C14orf132: variants seen among roughly 807,000 people sequenced by gnomAD.
C14orf132 encodes the protein chromosome 14 open reading frame 132.
Under a neutral mutation model 5.8 loss-of-function variants are expected in C14orf132, and 6 were observed. That is an observed-to-expected ratio of 1.03 (90% CI 0.57 to 2.04). C14orf132 has a LOEUF of 2.04. Among genes scored for constraint, C14orf132 ranks in the 30% most tolerant of loss-of-function variants. The pLI is 0.00. For synonymous variants in C14orf132, 51 were observed against 49.8 expected (o/e 1.02, Z -0.10); for missense variants, 125 against 115.8 (o/e 1.08, Z -0.37).
chr14:96,069,590 G>A (rs1197852875), intron 1 of C14orf132, among the ~76,000 whole-genome samples: 7 of 152,206 alleles, frequency 4.6e-5, no homozygotes, highest in East Asian at 3.9e-4. Context: ...TGGAGCTGGC[G>A]CAGTCAGCCT....
chr14:96,078,069 G>T (rs145307055), intron 1 of C14orf132, among the ~76,000 whole-genome samples: 1 of 152,238 alleles, frequency 6.6e-6, no homozygotes, highest in African/African-American at 2.4e-5. Context: ...GTTTCTGCCC[G>T]CTGCATCCTC....
At position 96,039,756 on chromosome 14, in the gene C14orf132, G is replaced by T. The variant is rs1487707356; in HGVS notation, c.27+229G>T. Among the ~76,000 whole-genome samples the T allele has an allele frequency of 6.6e-6, 1 of 152,130 alleles. No individual in the cohort carries two copies. Among genetic ancestry groups the T allele is most frequent in the African/African-American group, 2.4e-5 (1 of 41,440 alleles). ...GCCCCGCACCCCCGCGGCTCGAGCT[G>T]TTCCCGCCCGGGCCCCTCTCGTTGG... is the stretch of plus-strand genomic sequence containing the variant. On this transcript the variant is annotated intron_variant, in intron 1 of 1. Coordinates refer to ENST00000555004, the MANE Select transcript of C14orf132 (RefSeq NM_001252507.3). This position sits in a 1 kb window ranked among gnomAD's most constrained non-coding sequence, Gnocchi z 5.3.
chr14:96,066,041 C>A (rs956717106), intron 1 of C14orf132, among the ~76,000 whole-genome samples: 22 of 152,180 alleles, frequency 1.4e-4, no homozygotes, highest in Non-Finnish European at 2.9e-4. Context: ...GCCTCCTCCC[C>A]CTTATCCCCA....
intron 1 of C14orf132, among the ~76,000 whole-genome samples, chr14:96,055,135 C>T (rs1010712912): frequency 2.0e-5 from 3 of 152,200 alleles, no homozygotes; most frequent in Non-Finnish European, 4.4e-5. Flanking sequence ...TTATTACTCA[C>T]ACCGCAGCAA....
rs973697475 is a variant in C14orf132, at chr14:96,086,627, G to A, written c.144G>A (p.Pro48=). 116 of 1,536,124 alleles carry A rather than the reference G, an allele frequency of 7.6e-5. No homozygotes were observed. Among genetic ancestry groups the A allele is most frequent in the African/African-American group, 2.1e-4 (15 of 73,148 alleles). The change falls in exon 2 of 2, where the codon CCG becomes CCA. Residue 48 remains proline (P), a synonymous_variant. Transcript: ENST00000555004. ...VHAAANGQGQ[P]EDPPRSSNDA... is the part of the protein sequence containing the mutation. ...CGGCTGCCAATGGCCAGGGCCAGCC[G>A]GAAGATCCTCCTCGGTCCTCCAACG...
At position 96,087,128 on chromosome 14, in the gene C14orf132, C is replaced by G; in HGVS notation, c.*393C>G. 1 of 235,800 alleles carries G rather than the reference C, an allele frequency of 4.2e-6. No homozygotes were observed. Among genetic ancestry groups the G allele is most frequent in the Non-Finnish European group, 8.3e-6 (1 of 119,826 alleles). The allele number at this position is 235,800 out of a possible 1,614,324, so 14.6% of individuals were successfully genotyped here. ...CTTGTTTTTATGCAAACTTATCGAACCTAGGGCGTGGGGTGCTGGGGCAAG... is the reference window on the plus strand; with the variant it reads ...CTTGTTTTTATGCAAACTTATCGAAGCTAGGGCGTGGGGTGCTGGGGCAAG... On this transcript the variant is annotated 3_prime_UTR_variant, in exon 2 of 2. Transcript: ENST00000555004.
At chr14:96,042,078 C>T (rs1384406985) in intron 1 of C14orf132, among the ~76,000 whole-genome samples, 6 of 152,214 alleles carry the variant, frequency 3.9e-5, no homozygotes, top group Non-Finnish European at 2.9e-5. Flanking sequence ...GCCAATGCCA[C>T]TGAACAGCTG....
rs576936618 is a variant in C14orf132 at position 96,044,067 on chromosome 14, C to T, written c.27+4540C>T. Among the ~76,000 whole-genome samples the T allele has an allele frequency of 9.2e-5, 14 of 152,356 alleles. No homozygotes were observed. In the East Asian group the frequency reaches 1.2e-3, roughly 13 times the overall value. On this transcript the variant is annotated intron_variant, in intron 1 of 1. Transcript: ENST00000555004. ...ATGCAGGACCATCCTTCCATGTCAC[C>T]GCAGTACCCCTGCAAGAGCTGGGGG...
intron 1 of C14orf132, among the ~76,000 whole-genome samples, chr14:96,062,919 C>G (rs970113474): frequency 5.3e-5 from 8 of 152,126 alleles, no homozygotes; most frequent in Admixed American, 2.6e-4. Context: ...TTTGCCCAAA[C>G]AAGCCACTGA....
chr14:96,039,644 G>T lies in C14orf132; in HGVS notation c.27+117G>T, dbSNP rs1014677946. ...GGCGCCCGCCCGCGATCCGCGTCCC[G>T]GTCCTTTGTCCCGAGCCGGACACCC... On this transcript the variant is annotated intron_variant, in intron 1 of 1. Transcript: ENST00000555004. The surrounding 1 kb of genome is among the most constrained non-coding windows in gnomAD (Gnocchi z 5.3). 3.5e-6 allele frequency: 4 copies of T among 1,129,796 alleles called. No homozygotes were observed. Among genetic ancestry groups the T allele is most frequent in the Non-Finnish European group, 4.7e-6 (4 of 850,900 alleles). The allele number at this position is 1,129,796 out of a possible 1,614,324, so 70.0% of individuals were successfully genotyped here. A position where few individuals can be genotyped will look rare whatever the true frequency, so the allele number is the denominator to read the frequency against.
chr14:96,051,417 C>A (rs1281669010), intron 1 of C14orf132, among the ~76,000 whole-genome samples: 1 of 152,216 alleles, frequency 6.6e-6, no homozygotes, highest in East Asian at 1.9e-4. Flanking sequence ...ATGCCGGGAG[C>A]AGGTTGCTCC....
chr14:96,066,119 A>C (rs1256469486), intron 1 of C14orf132, among the ~76,000 whole-genome samples: 1 of 152,112 alleles, frequency 6.6e-6, no homozygotes, highest in East Asian at 1.9e-4. Flanking sequence ...CATCTCAAAC[A>C]GGCCTTGGCT....
intron 1 of C14orf132, among the ~76,000 whole-genome samples, chr14:96,050,654 C>T (rs1371697744): frequency 1.3e-5 from 2 of 152,066 alleles, no homozygotes; most frequent in Non-Finnish European, 2.9e-5. Flanking sequence ...CTCAGACTCT[C>T]ACTTCCATTC....
At chr14:96,084,771 T>C (rs893257773) in intron 1 of C14orf132, among the ~76,000 whole-genome samples, 1 of 152,180 alleles carries the variant, frequency 6.6e-6, no homozygotes, top group African/African-American at 2.4e-5. Context: ...GTCACTGCAC[T>C]CTCTAGGTCA....
At chr14:96,040,797 T>C (rs192580003) in intron 1 of C14orf132, among the ~76,000 whole-genome samples, 9 of 152,174 alleles carry the variant, frequency 5.9e-5, no homozygotes, top group African/African-American at 1.9e-4. Context: ...TCCATACTTA[T>C]AAAAATTGTC....
At chr14:96,071,939 G>T (rs1339600912) in intron 1 of C14orf132, among the ~76,000 whole-genome samples, 1 of 152,238 alleles carries the variant, frequency 6.6e-6, no homozygotes. Flanking sequence ...GCCTGGGAGA[G>T]CCATGTGAAT....
In C14orf132 at chr14:96,069,256, C is replaced by CATAT. The variant is rs55648129; in HGVS notation, c.28-17208_28-17205dup. On this transcript the variant is annotated intron_variant, in intron 1 of 1. Transcript: ENST00000555004. ...ATATGTTATTGGTTCTGTTTATGTT[C>CATAT]ATATATATATATATATATATATATA... 2.4e-3 allele frequency among the ~76,000 whole-genome samples: 229 copies of CATAT among 95,004 alleles called. 2 individuals carry two copies. The highest frequency in any genetic ancestry group is 3.1e-3 in the Non-Finnish European group (142 of 45,794). 62.3% of individuals were successfully genotyped at this position (95,004 alleles called of 152,430 possible). A position where few individuals can be genotyped will look rare whatever the true frequency, so the allele number is the denominator to read the frequency against.
chr14:96,042,046 T>C (rs1390377079), intron 1 of C14orf132, among the ~76,000 whole-genome samples: 2 of 152,240 alleles, frequency 1.3e-5, no homozygotes, highest in African/African-American at 2.4e-5. Context: ...CAGGAGAAGA[T>C]GGTGAATTCA....
intron 1 of C14orf132, among the ~76,000 whole-genome samples, chr14:96,063,430 T>C (rs1239893800): frequency 6.6e-6 from 1 of 152,096 alleles, no homozygotes; most frequent in Non-Finnish European, 1.5e-5. Flanking sequence ...TGCCTCAGCC[T>C]CCCCAGTAGT....
Sources: gnomAD v4.1 joint callset for allele counts (sites outside exome capture counted in the v4.1 genomes callset) on GRCh38, gnomAD v4.1.1 for gene constraint, Gnocchi (gnomAD v3.1) non-coding constraint, MANE v1.5 for transcripts, NCBI Gene and HGNC (gene_info 2026-07-23, HGNC 2026-07-21) for gene names.